The following ELP5 variants were observed in gnomAD, a reference collection of about 807,000 sequenced individuals.
The protein encoded by ELP5 is elongator complex protein 5.
In ELP5, 34 loss-of-function variants were observed where a neutral mutation model predicts 33.4. That is an observed-to-expected ratio of 1.02 (90% confidence interval 0.78 to 1.36). ELP5 has a LOEUF of 1.36. Ranked by LOEUF, ELP5 falls within the 40% of genes most tolerant of loss-of-function variation. The probability of loss-of-function intolerance (pLI) is 0.00; values close to 1 mark genes in which losing one functional copy is unlikely to be tolerated. For synonymous variants in ELP5, 161 were observed against 146.4 expected (o/e 1.10, Z -0.72); for missense variants, 373 against 371.7 (o/e 1.00, Z -0.03).
rs2072148777 is a variant in ELP5, at chr17:7,258,997, A to T, written c.788+71A>T. 7.5e-6 allele frequency: 12 copies of T among 1,601,622 alleles called. No homozygotes were observed. The Admixed American group carries it at 1.2e-4, about 16-fold the overall frequency. On this transcript the variant is annotated intron_variant, in intron 7 of 7. Transcript: ENST00000396628. ...ATCTGGGCCATGGAGAGGTTGGGGCAACAGGTTATTGATTAACCTGACTTT... is the reference window on the plus strand; with the variant it reads ...ATCTGGGCCATGGAGAGGTTGGGGCTACAGGTTATTGATTAACCTGACTTT...
intron 5 of ELP5, among the ~76,000 whole-genome samples, chr17:7,258,339 C>T (rs1179754578): frequency 6.9e-6 from 1 of 145,282 alleles, no homozygotes; most frequent in East Asian, 2.1e-4. Context: ...ATCCCAGCTA[C>T]TCGGGAGGCT....
At chr17:7,254,928 C>T (rs1382486934) in intron 4 of ELP5, 125 bp downstream of exon 4, 5 of 687,394 alleles carry the variant, frequency 7.3e-6, no homozygotes, top group Middle Eastern at 2.5e-4. Context: ...ATTTTTTTGA[C>T]TTTTTTGTCT....
At chr17:7,258,062 C>T (rs113699432) in intron 5 of ELP5, among the ~76,000 whole-genome samples, 34 of 147,968 alleles carry the variant, frequency 2.3e-4, no homozygotes, top group African/African-American at 6.2e-4. Flanking sequence ...AGTGAGACTC[C>T]GTCTCAAAAA....
rs187519355 is a variant in ELP5, at chr17:7,257,872, G to A, written c.592-716G>A. ...ATTGTGAGGTCAGGAGTTCGAGACC[G>A]GCCTGGCTAACATGGTGAAATCTCA... On this transcript the variant is annotated intron_variant, in intron 5 of 7. Coordinates refer to ENST00000396628, the MANE Select transcript of ELP5 (RefSeq NM_203414.3). Among the ~76,000 whole-genome samples, 84 of 152,154 alleles carry A rather than the reference G, an allele frequency of 5.5e-4. 1 individual carries two copies. Among genetic ancestry groups the A allele is most frequent in the Admixed American group, 9.8e-4 (15 of 15,276 alleles).
Position 7,252,527 on chromosome 17 carries a change from G to C in ELP5, c.-24G>C. ...CATGACGCCATCAGAGGGCGCCAGA[G>C]CAGGGACCGGACGCGAGTTGGAGAT... is the stretch of plus-strand genomic sequence containing the variant. On this transcript the variant is annotated 5_prime_UTR_variant, in exon 1 of 8. Transcript: ENST00000396628. The C allele has an allele frequency of 6.2e-7, 1 of 1,613,846 alleles. No individual in the cohort carries two copies. Among genetic ancestry groups the C allele is most frequent in the Non-Finnish European group, 8.5e-7 (1 of 1,179,954 alleles).
At chr17:7,258,718 GTAGTT>G in intron 6 of ELP5, 35 bp downstream of exon 6, 1 of 1,614,154 alleles carries the variant, frequency 6.2e-7, no homozygotes, top group Middle Eastern at 1.6e-4. Flanking sequence ...ACAAGGAAAT[GTAGTT>G]TAGTATCTGG....
chr17:7,254,519 T>G lies in ELP5; in HGVS notation c.189-64T>G, dbSNP rs2072027245. 3 of 1,217,536 alleles carry G rather than the reference T, an allele frequency of 2.5e-6. No homozygotes were observed. In the Admixed American group the frequency reaches 6.7e-5, roughly 27 times the overall value. 75.4% of individuals were successfully genotyped at this position (1,217,536 alleles called of 1,614,324 possible). On this transcript the variant is annotated intron_variant, in intron 3 of 7. Transcript: ENST00000396628. The stretch of plus-strand genomic sequence containing the variant: ...GAAAACAGCCATAAAGATCAGAGGA[T>G]GAACTTTGTGATCCTCTCGGGGGAA...
intron 5 of ELP5, among the ~76,000 whole-genome samples, chr17:7,258,100 G>A (rs750248949): frequency 6.6e-6 from 1 of 151,772 alleles, no homozygotes; most frequent in Non-Finnish European, 1.5e-5. Flanking sequence ...TCTGCCTAAG[G>A]AGTCGCCATC....
rs1381051445 is a variant in ELP5, at chr17:7,254,692, C to T, written c.298C>T (p.Pro100Ser). 2.5e-6 allele frequency: 4 copies of T among 1,614,032 alleles called. No homozygotes were observed. The highest frequency in any genetic ancestry group is 3.4e-6 in the Non-Finnish European group (4 of 1,180,018). ...GAGAGCCATGTGCAAGAGGACAGAT[C>T]CTGTTCCTGTCACCATTGCTCTCGA... ...ALRAMCKRTD[P>S]VPVTIALDSL... Residue 100 changes from proline to serine, a missense_variant, in exon 4 of 8, where the codon CCT (proline) becomes TCT (serine). Pro to Ser is a moderately conservative substitution (Grantham distance 74). Coordinates refer to ENST00000396628, the MANE Select transcript of ELP5 (RefSeq NM_203414.3).
Position 7,259,862 on chromosome 17 carries a change from G to A in ELP5, c.*177G>A. 1.8e-6 allele frequency: 2 copies of A among 1,121,010 alleles called. No individual in the cohort carries two copies. Among genetic ancestry groups the A allele is most frequent in the Non-Finnish European group, 2.5e-6 (2 of 810,896 alleles). The allele number at this position is 1,121,010 out of a possible 1,614,324, so 69.4% of individuals were successfully genotyped here. A position where few individuals can be genotyped will look rare whatever the true frequency, so the allele number is the denominator to read the frequency against. ...AGCGTCTCATCAGGACAGAAGGTAG[G>A]ATGAAGACATGGGGTAATGTGAGAG... On this transcript the variant is annotated 3_prime_UTR_variant, in exon 8 of 8. Transcript: ENST00000396628.
chr17:7,258,476 G>T, intron 5 of ELP5, 112 bp from the exon 6 acceptor site: 3 of 1,003,154 alleles, frequency 3.0e-6, no homozygotes, highest in Non-Finnish European at 4.4e-6. Context: ...TTGAGGGCAG[G>T]AGCTGAAAGC....
At chr17:7,254,848 C>T (rs1324978386) in intron 4 of ELP5, 45 bp downstream of exon 4, 17 of 1,509,118 alleles carry the variant, frequency 1.1e-5, no homozygotes, top group Non-Finnish European at 1.6e-5. Context: ...TCTCCCTCTG[C>T]CAAGGAGTGT....
chr17:7,259,425 A>G, intron 7 of ELP5, 146 bp from the exon 8 acceptor site: 2 of 1,465,540 alleles, frequency 1.4e-6, no homozygotes, highest in East Asian at 2.4e-5. Context: ...CAGCTCTAAC[A>G]TGGAGGTCAG....
rs143881861 is a variant in ELP5 at position 7,253,159 on chromosome 17, G to C, written c.188+161G>C. ...CAGGAGGCAAGAATTAATAAGAGGA[G>C]TGATGAGTATTTGGGGAGTCCAAAG... On this transcript the variant is annotated intron_variant, in intron 3 of 7. Transcript: ENST00000396628. Among the ~76,000 whole-genome samples the C allele has an allele frequency of 1.5e-3, 236 of 152,328 alleles. 1 individual carries two copies. Among genetic ancestry groups the C allele is most frequent in the African/African-American group, 5.4e-3 (226 of 41,568 alleles).
In ELP5 at chr17:7,258,651, T is replaced by A; in HGVS notation, c.655T>A (p.Ser219Thr). The change falls in exon 6 of 8, where the codon TCC (serine) becomes ACC (threonine). Residue 219 changes from serine to threonine, a missense_variant. By Grantham distance (58) the Ser-to-Thr change is moderately conservative. Coordinates refer to ENST00000396628, the MANE Select transcript of ELP5 (RefSeq NM_203414.3). ...TCTCCAAGAGGGGCCCTCTGTAGAG[T>A]CCCAGCCCTACTCCGATCCTCATAT... ...LDLQEGPSVE[S>T]QPYSDPHIPP... 3 of 1,613,920 alleles carry A rather than the reference T, an allele frequency of 1.9e-6. No homozygotes were observed. The highest frequency in any genetic ancestry group is 2.5e-6 in the Non-Finnish European group (3 of 1,179,972).
chr17:7,256,814 C>T (rs2072084756), intron 4 of ELP5, 43 bp from the exon 5 acceptor site: 1 of 1,603,594 alleles, frequency 6.2e-7, no homozygotes, highest in Non-Finnish European at 8.5e-7. Flanking sequence ...AGGCCACCAA[C>T]CTGAATGCTC....
Position 7,252,433 on chromosome 17 carries a change from T to G in ELP5, c.-118T>G. The stretch of plus-strand genomic sequence containing the variant: ...AATCACCTCTCATTCCAGACTATGT[T>G]AGGTCTTAATGGTGGGAGGACGCCC... On this transcript the variant is annotated 5_prime_UTR_variant, in exon 1 of 8. An upstream open reading frame in the 5' UTR gains an earlier in-frame stop. Coordinates refer to ENST00000396628, the MANE Select transcript of ELP5 (RefSeq NM_203414.3). 1 of 1,454,366 alleles carries G rather than the reference T, an allele frequency of 6.9e-7. No homozygotes were observed. The highest frequency in any genetic ancestry group is 9.6e-7 in the Non-Finnish European group (1 of 1,047,048). 90.1% of individuals were successfully genotyped at this position (1,454,366 alleles called of 1,614,324 possible).
At position 7,259,723 on chromosome 17, in the gene ELP5, C is replaced by T. The variant is rs745445881; in HGVS notation, c.*38C>T. 49 of 1,613,126 alleles carry T rather than the reference C, an allele frequency of 3.0e-5. No individual in the cohort carries two copies. The highest frequency in any genetic ancestry group is 1.3e-4 in the East Asian group (6 of 44,872). ...GATTAGATTGTAATTGGAGGGGGCG[C>T]GGGAAGACTTTGGGCCCAGAACCAT... is the stretch of plus-strand genomic sequence containing the variant. On this transcript the variant is annotated 3_prime_UTR_variant, in exon 8 of 8. Coordinates refer to ENST00000396628, the MANE Select transcript of ELP5 (RefSeq NM_203414.3).
chr17:7,253,857 C>T lies in ELP5; in HGVS notation c.189-726C>T, dbSNP rs554319086. On this transcript the variant is annotated intron_variant, in intron 3 of 7. Coordinates refer to ENST00000396628, the MANE Select transcript of ELP5 (RefSeq NM_203414.3). ...CTAAAAATACAAAAAATTACCTGGG[C>T]ATGGTGGCACATGCCTGTAATTCCA... Among the ~76,000 whole-genome samples, 804 of 152,218 alleles carry T rather than the reference C, an allele frequency of 5.3e-3. 5 individuals are homozygous for T. Among genetic ancestry groups the T allele is most frequent in the African/African-American group, 0.019 (772 of 41,546 alleles).
Sources: allele counts gnomAD v4.1 joint callset (sites outside exome capture counted in the v4.1 genomes callset), GRCh38; gene constraint gnomAD v4.1.1; transcripts MANE v1.5; gene names NCBI Gene and HGNC (gene_info 2026-07-23, HGNC 2026-07-21).